The following KDM4C variants were observed in gnomAD, a reference collection of about 807,000 sequenced individuals.
The protein encoded by KDM4C is lysine demethylase 4C.
KDM4C carries 81 observed loss-of-function variants against 129.3 expected under a neutral mutation model. The ratio of observed to expected loss-of-function variants is 0.63; its 90% CI spans 0.52 to 0.75. The LOEUF (loss-of-function observed/expected upper bound fraction) is 0.75. Ranked by LOEUF, KDM4C falls within the 30% of genes least tolerant of loss-of-function variation. The pLI, the probability that KDM4C is intolerant of heterozygous loss-of-function variation, is 0.00. For synonymous variants in KDM4C, 573 were observed against 456.1 expected, an observed-to-expected ratio of 1.26 and a Z score of -3.26; for missense variants, 1,457 against 1,304.0, an observed-to-expected ratio of 1.12 and a Z score of -1.81.
intron 4 of KDM4C, among the ~76,000 whole-genome samples, chr9:6,825,533 C>T (rs111798008): frequency 0.016 from 2,429 of 152,250 alleles, 81 homozygotes; most frequent in African/African-American, 0.055. Flanking sequence ...CCTTCAGAGA[C>T]AGTGATTCTC....
chr9:6,986,568 G>A lies in KDM4C; in HGVS notation c.1579G>A (p.Gly527Arg). Residue 527 changes from glycine to arginine, a missense_variant, in exon 11 of 22, where the codon GGA becomes AGA. Transcript: ENST00000381309. ...AGAGAGTAATGGTGTGTTAACAGAG[G>A]GAGAAGAGAGTGATGTGGAGAGCCA... ...VAESNGVLTE[G>R]EESDVESHGN... 1.9e-6 allele frequency: 3 copies of A among 1,614,114 alleles called. No homozygotes were observed. The highest frequency in any genetic ancestry group is 2.2e-5 in the East Asian group (1 of 44,878).
intron 6 of KDM4C, among the ~76,000 whole-genome samples, chr9:6,880,582 C>T (rs1393373666): frequency 6.6e-6 from 1 of 152,102 alleles, no homozygotes; most frequent in East Asian, 1.9e-4. Context: ...AGGTGAATGG[C>T]TCTGAGTAAC....
At chr9:7,043,159 A>G (rs1303329471) in intron 15 of KDM4C, among the ~76,000 whole-genome samples, 2 of 152,060 alleles carry the variant, frequency 1.3e-5, no homozygotes, top group Non-Finnish European at 2.9e-5. Flanking sequence ...AGGGAGGTGA[A>G]GTATATGAAA....
At chr9:7,000,809 CTT>C (rs1230320393) in intron 12 of KDM4C, among the ~76,000 whole-genome samples, 3 of 152,150 alleles carry the variant, frequency 2.0e-5, no homozygotes, top group African/African-American at 7.2e-5. Flanking sequence ...TTTTGGTACA[CTT>C]TGTTTTCATT....
chr9:7,169,330 G>GTTTA (rs913064737), intron 20 of KDM4C, among the ~76,000 whole-genome samples: 1 of 151,978 alleles, frequency 6.6e-6, no homozygotes, highest in South Asian at 2.1e-4. Context: ...TTTGTATTTA[G>GTTTA]TTTATTTATT....
intron 19 of KDM4C, among the ~76,000 whole-genome samples, chr9:7,161,074 C>T (rs1028681646): frequency 2.0e-5 from 3 of 152,224 alleles, no homozygotes; most frequent in African/African-American, 7.2e-5. Flanking sequence ...CCACCTCGCA[C>T]TTCAGTCTCA....
At chr9:7,172,778 C>T (rs574273550) in intron 21 of KDM4C, among the ~76,000 whole-genome samples, 58 of 152,268 alleles carry the variant, frequency 3.8e-4, no homozygotes, top group African/African-American at 1.2e-3. Context: ...TACTATGGAC[C>T]GTGTGTTTTC....
chr9:6,971,530 C>A (rs1589390326), intron 8 of KDM4C, among the ~76,000 whole-genome samples: 1 of 152,254 alleles, frequency 6.6e-6, no homozygotes, highest in East Asian at 1.9e-4. Context: ...TCAAGGAATT[C>A]TTTTGTCCAG....
chr9:7,127,329 G>A (rs999224834), intron 18 of KDM4C, among the ~76,000 whole-genome samples: 1 of 152,098 alleles, frequency 6.6e-6, no homozygotes, highest in African/African-American at 2.4e-5. Flanking sequence ...ACTATACTTT[G>A]ATCAGGATCA....
chr9:7,084,341 A>G (rs1564095825), intron 17 of KDM4C, among the ~76,000 whole-genome samples: 1 of 152,212 alleles, frequency 6.6e-6, no homozygotes, highest in Non-Finnish European at 1.5e-5. Context: ...GCCACAACCA[A>G]GATTCAACAT....
intron 5 of KDM4C, among the ~76,000 whole-genome samples, chr9:6,857,932 T>TTTTTG (rs1366066723): frequency 1.4e-5 from 2 of 148,132 alleles, no homozygotes; most frequent in Non-Finnish European, 3.0e-5. Flanking sequence ...GTTTTTTTTT[T>TTTTTG]TTTTTTTTTT....
intron 18 of KDM4C, among the ~76,000 whole-genome samples, chr9:7,118,475 T>C (rs1487471073): frequency 6.6e-6 from 1 of 152,226 alleles, no homozygotes; most frequent in African/African-American, 2.4e-5. Flanking sequence ...GAGTGGTTCC[T>C]GCTGCATACC....
At chr9:6,963,725 G>T (rs1394861349) in intron 8 of KDM4C, among the ~76,000 whole-genome samples, 1 of 152,062 alleles carries the variant, frequency 6.6e-6, no homozygotes, top group Non-Finnish European at 1.5e-5. Context: ...TGTGTCTTCC[G>T]CACATTCTTC....
At chr9:7,117,120 A>T (rs560276534) in intron 18 of KDM4C, among the ~76,000 whole-genome samples, 3 of 152,202 alleles carry the variant, frequency 2.0e-5, no homozygotes, top group Non-Finnish European at 4.4e-5. Context: ...GTTATAGAAC[A>T]TTCAGGTTGT....
At chr9:7,154,974 T>C (rs1211302906) in intron 19 of KDM4C, among the ~76,000 whole-genome samples, 1 of 152,214 alleles carries the variant, frequency 6.6e-6, no homozygotes, top group Non-Finnish European at 1.5e-5. Context: ...AAGGTTTTAA[T>C]GCATATAATT....
intron 17 of KDM4C, among the ~76,000 whole-genome samples, chr9:7,091,039 A>G (rs1316458976): frequency 6.6e-6 from 1 of 152,210 alleles, no homozygotes; most frequent in Admixed American, 6.5e-5. Flanking sequence ...ACACCATTAT[A>G]AAGCCTAAAA....
chr9:7,057,636 C>G (rs1316183965), intron 17 of KDM4C, among the ~76,000 whole-genome samples: 2 of 152,196 alleles, frequency 1.3e-5, no homozygotes, highest in Admixed American at 1.3e-4. Context: ...GATTTTTCCC[C>G]CTTTATTTTT....
intron 8 of KDM4C, among the ~76,000 whole-genome samples, chr9:6,944,484 T>TAAATC (rs1344138518): frequency 6.6e-6 from 1 of 152,178 alleles, no homozygotes; most frequent in Non-Finnish European, 1.5e-5. Flanking sequence ...TTTCATCACC[T>TAAATC]AAATTAGGGT....
chr9:6,742,744 A>G (rs571517813), intron 1 of KDM4C, among the ~76,000 whole-genome samples: 1 of 151,410 alleles, frequency 6.6e-6, no homozygotes, highest in Admixed American at 6.6e-5. Context: ...GGGGCGATCT[A>G]AGAATCGCTT....
Sources: allele counts gnomAD v4.1 joint callset (sites outside exome capture counted in the v4.1 genomes callset), GRCh38; gene constraint gnomAD v4.1.1; transcripts MANE v1.5; gene names NCBI Gene and HGNC (gene_info 2026-07-23, HGNC 2026-07-21).